DEFB121: variants seen among roughly 807,000 people sequenced by gnomAD.
The protein encoded by DEFB121 is beta-defensin 121.
In DEFB121, 5 loss-of-function variants were observed where a neutral mutation model predicts 2.5. The observed-to-expected ratio is 1.96, with a 90% confidence interval of 1.03 to 4.13. DEFB121 has a LOEUF of 4.13. Ranked by LOEUF, DEFB121 falls within the 30% of genes most tolerant of loss-of-function variation. The pLI, the probability that DEFB121 is intolerant of heterozygous loss-of-function variation, is 0.00. For missense variants in DEFB121, 87 were observed against 85.0 expected (o/e 1.02, Z -0.09); for synonymous variants, 39 against 32.6 (o/e 1.20, Z -0.67).
upstream of DEFB121, among the ~76,000 whole-genome samples, chr20:31,414,322 A>T (rs1978745352): frequency 6.6e-6 from 1 of 152,106 alleles, no homozygotes; most frequent in Non-Finnish European, 1.5e-5. Context: ...AAAGAAAGAG[A>T]TTATATGACC....
upstream of DEFB121, among the ~76,000 whole-genome samples, chr20:31,416,360 C>A (rs542841716): frequency 2.6e-5 from 4 of 152,350 alleles, no homozygotes; most frequent in East Asian, 7.7e-4. Flanking sequence ...GGCGCCTGGC[C>A]TTCTTCGCAC....
chr20:31,412,815 C>G (rs1039464947), exon 1 of DEFB121: 2 of 494,390 alleles, frequency 4.0e-6, no homozygotes, highest in African/African-American at 4.0e-5. Context: ...AGGGCTCACC[C>G]AGAGTCGAGG....
intron 1 of DEFB121, 152 bp from the exon 2 acceptor site, chr20:31,405,237 G>C: frequency 2.8e-6 from 2 of 727,020 alleles, no homozygotes; most frequent in Non-Finnish European, 4.3e-6. Context: ...TAAGTTTAAG[G>C]GAGATTATAG....
upstream of DEFB121, among the ~76,000 whole-genome samples, chr20:31,416,536 T>C (rs565186403): frequency 7.8e-4 from 119 of 152,328 alleles, no homozygotes; most frequent in Middle Eastern, 0.027. Context: ...AGTCTCAGAA[T>C]TCAGACCTTA....
At chr20:31,417,494 T>G (rs1377660349), upstream of DEFB121, among the ~76,000 whole-genome samples, 2 of 148,922 alleles carry the variant, frequency 1.3e-5, no homozygotes, top group South Asian at 2.1e-4. Context: ...AATCAAGGAG[T>G]CCAACATATG....
chr20:31,417,542 A>C (rs1464830206), upstream of DEFB121, among the ~76,000 whole-genome samples: 1 of 152,324 alleles, frequency 6.6e-6, no homozygotes, highest in South Asian at 2.1e-4. Context: ...CAGGAAAAAC[A>C]AAGACCAGGA....
upstream of DEFB121, among the ~76,000 whole-genome samples, chr20:31,416,518 G>C (rs1023147254): frequency 6.6e-6 from 1 of 152,162 alleles, no homozygotes; most frequent in Non-Finnish European, 1.5e-5. Context: ...TTAAGTTTGT[G>C]AGTGTAGAGT....
chr20:31,415,815 G>A (rs1193040144), upstream of DEFB121, among the ~76,000 whole-genome samples: 2 of 152,056 alleles, frequency 1.3e-5, no homozygotes, highest in African/African-American at 4.8e-5. Flanking sequence ...TTCAGGCAAG[G>A]GAGCAGTGTG....
At chr20:31,413,282 C>T (rs539570770), upstream of DEFB121, among the ~76,000 whole-genome samples, 1 of 152,312 alleles carries the variant, frequency 6.6e-6, no homozygotes, top group East Asian at 1.9e-4. Flanking sequence ...TTTAAATGAG[C>T]TTCATATCCC....
chr20:31,415,335 C>T (rs186864763), upstream of DEFB121, among the ~76,000 whole-genome samples: 121 of 151,570 alleles, frequency 8.0e-4, no homozygotes, highest in Non-Finnish European at 1.2e-3. Flanking sequence ...CTGTAACGTC[C>T]GCCTCCCAGA....
At chr20:31,410,103 G>A (rs771079991), upstream of DEFB121, among the ~76,000 whole-genome samples, 6 of 152,062 alleles carry the variant, frequency 3.9e-5, no homozygotes, top group Non-Finnish European at 7.4e-5. Context: ...AACAGAATCC[G>A]ATAAATAACA....
At chr20:31,412,586 A>T in intron 1 of DEFB121, 1 of 1,287,222 alleles carries the variant, frequency 7.8e-7, no homozygotes, top group Non-Finnish European at 1.0e-6. Context: ...AGCCTCTGAC[A>T]ACTGGTAGTT....
exon 1 of DEFB121, chr20:31,412,755 C>T (rs1414361955): frequency 9.4e-6 from 10 of 1,069,314 alleles, no homozygotes; most frequent in Non-Finnish European, 1.3e-5. Context: ...GATCTCTCTG[C>T]TCACCGTGAT....
At chr20:31,408,355 G>T (rs2122353225), upstream of DEFB121, among the ~76,000 whole-genome samples, 1 of 152,170 alleles carries the variant, frequency 6.6e-6, no homozygotes, top group Admixed American at 6.5e-5. Flanking sequence ...GGGAGGCTGA[G>T]GCAGGAAAAT....
At chr20:31,416,846 T>C (rs1978818890), upstream of DEFB121, among the ~76,000 whole-genome samples, 2 of 152,286 alleles carry the variant, frequency 1.3e-5, no homozygotes, top group South Asian at 2.1e-4. Context: ...TTTTTTTTCC[T>C]AGGCTTATTA....
upstream of DEFB121, among the ~76,000 whole-genome samples, chr20:31,411,054 G>C (rs367651504): frequency 1.1e-4 from 16 of 152,322 alleles, 1 homozygote; most frequent in East Asian, 1.9e-3. Context: ...GAATAAGGCT[G>C]CCTAATAAAG....
upstream of DEFB121, among the ~76,000 whole-genome samples, chr20:31,416,897 T>G (rs1171367148): frequency 1.3e-5 from 2 of 152,310 alleles, no homozygotes; most frequent in Non-Finnish European, 2.9e-5. Context: ...CAGTATATTC[T>G]CTTATACTGG....
At chr20:31,410,975 A>G (rs1978647677), upstream of DEFB121, among the ~76,000 whole-genome samples, 1 of 152,156 alleles carries the variant, frequency 6.6e-6, no homozygotes, top group Non-Finnish European at 1.5e-5. Context: ...TGGTTTTGAG[A>G]TCTACTTCCC....
chr20:31,409,544 T>C (rs1280209928), upstream of DEFB121, among the ~76,000 whole-genome samples: 1 of 151,972 alleles, frequency 6.6e-6, no homozygotes, highest in African/African-American at 2.4e-5. Flanking sequence ...AGTTCGAGAC[T>C]AGCCTGGCCA....
Sources: allele counts gnomAD v4.1 joint callset (sites outside exome capture counted in the v4.1 genomes callset), GRCh38; gene constraint gnomAD v4.1.1; transcripts MANE v1.5; gene names NCBI Gene and HGNC (gene_info 2026-07-23, HGNC 2026-07-21).